The following RASA3 variants were observed in gnomAD, a reference collection of about 807,000 sequenced individuals.
The protein encoded by RASA3 is RAS p21 protein activator 3, also known as ras GTPase-activating protein 3.
A neutral mutation model predicts 110.0 loss-of-function variants in RASA3; 73 were observed. The observed-to-expected ratio is 0.66, with a 90% confidence interval of 0.55 to 0.81. RASA3 has a LOEUF of 0.81. Ranked by LOEUF, RASA3 falls within the 30% of genes least tolerant of loss-of-function variation. The pLI, the probability that RASA3 is intolerant of heterozygous loss-of-function variation, is 0.00. For missense variants in RASA3, 976 were observed against 1,113.2 expected (o/e 0.88, Z 1.75); for synonymous variants, 500 against 451.4 (o/e 1.11, Z -1.37).
intron 4 of RASA3, among the ~76,000 whole-genome samples, chr13:114,031,217 G>A (rs577494721): frequency 1.3e-5 from 2 of 151,612 alleles, no homozygotes; most frequent in African/African-American, 4.8e-5. Context: ...GCGTGCGATT[G>A]TGTGTGCGTG....
rs1432621453 is a variant in RASA3, at chr13:113,979,512, G to A, written c.2430-90C>T. On this transcript the variant is annotated intron_variant, in intron 23 of 23. Coordinates refer to ENST00000334062, the MANE Select transcript of RASA3 (RefSeq NM_007368.4). ...GCGGGAGCTTTTCCTGTTCCTAAAT[G>A]TGACACACTCACACTGCAATCCACA... is the stretch of plus-strand genomic sequence containing the variant. 8 of 1,035,178 alleles carry A rather than the reference G, an allele frequency of 7.7e-6. No individual in the cohort carries two copies. The East Asian group carries it at 1.2e-4, about 15-fold the overall frequency. The allele number at this position is 1,035,178 out of a possible 1,614,324, so 64.1% of individuals were successfully genotyped here. A position where few individuals can be genotyped will look rare whatever the true frequency, so the allele number is the denominator to read the frequency against.
chr13:114,116,715 C>G (rs1401752385), intron 1 of RASA3, among the ~76,000 whole-genome samples: 2 of 152,222 alleles, frequency 1.3e-5, no homozygotes, highest in Non-Finnish European at 2.9e-5. Context: ...TTTGGAGAAT[C>G]CTCTGCATCA....
intron 1 of RASA3, among the ~76,000 whole-genome samples, chr13:114,078,802 C>T (rs1037879900): frequency 6.6e-6 from 1 of 152,216 alleles, no homozygotes; most frequent in African/African-American, 2.4e-5. Flanking sequence ...CAGCCCTGAC[C>T]GAGGGTTAGG....
intron 8 of RASA3, among the ~76,000 whole-genome samples, chr13:114,021,986 C>A (rs1380534759): frequency 2.0e-5 from 3 of 152,144 alleles, no homozygotes; most frequent in African/African-American, 4.8e-5. Context: ...CCACTCTCAG[C>A]TCCAGCACCA....
At chr13:114,045,745 T>C (rs1399170419) in intron 3 of RASA3, among the ~76,000 whole-genome samples, 2 of 152,230 alleles carry the variant, frequency 1.3e-5, no homozygotes, top group Non-Finnish European at 2.9e-5. Context: ...GCAATGACCA[T>C]GAAAATTACA....
At chr13:114,122,017 G>A (rs1269252274) in intron 1 of RASA3, among the ~76,000 whole-genome samples, 1 of 152,202 alleles carries the variant, frequency 6.6e-6, no homozygotes, top group African/African-American at 2.4e-5. Flanking sequence ...AACTAATGAA[G>A]ATTCCAGTCC....
At chr13:114,102,413 G>A (rs1195906123) in intron 1 of RASA3, among the ~76,000 whole-genome samples, 1 of 152,132 alleles carries the variant, frequency 6.6e-6, no homozygotes, top group African/African-American at 2.4e-5. Context: ...GAGAGGGAGA[G>A]GGACAGAGAG....
chr13:114,067,437 C>T (rs2079475070), intron 2 of RASA3, among the ~76,000 whole-genome samples: 1 of 152,196 alleles, frequency 6.6e-6, no homozygotes, highest in South Asian at 2.1e-4. Flanking sequence ...TTTCATGAGT[C>T]GCCTAATGTC....
At chr13:114,071,728 C>CG (rs1483341093) in intron 2 of RASA3, among the ~76,000 whole-genome samples, 1 of 152,168 alleles carries the variant, frequency 6.6e-6, no homozygotes, top group Non-Finnish European at 1.5e-5. Flanking sequence ...TCTCACTCCT[C>CG]GGCCTGGAGG....
chr13:114,039,446 G>T lies in RASA3; in HGVS notation c.372+1554C>A, dbSNP rs183649879. 1.1e-3 allele frequency among the ~76,000 whole-genome samples: 161 copies of T among 152,172 alleles called. 1 individual carries two copies. The highest frequency in any genetic ancestry group is 3.6e-3 in the Admixed American group (55 of 15,306). On this transcript the variant is annotated intron_variant, in intron 4 of 23. Transcript: ENST00000334062. ...AACCCTACACTCAGACGCTCACTGC[G>T]GTCCCAGCTGAGGACCCAGGAAGCC...
Position 114,132,473 on chromosome 13 carries a change from T to G in RASA3, c.17A>C (p.Glu6Ala). 2 of 1,507,428 alleles carry G rather than the reference T, an allele frequency of 1.3e-6. No individual in the cohort carries two copies. Among genetic ancestry groups the G allele is most frequent in the Admixed American group, 4.2e-5 (2 of 47,600 alleles). 93.4% of individuals were successfully genotyped at this position (1,507,428 alleles called of 1,614,324 possible). MAVED[E>A]GLRVFQSVKI... ...CACGCTCTGGAAGACCCGGAGCCCC[T>G]CGTCCTCCACCGCCATGCTGCGCGT... The change falls in exon 1 of 24, where the codon GAG (glutamate) becomes GCG (alanine). Residue 6 changes from glutamate (E) to alanine (A), a missense_variant. Coordinates refer to ENST00000334062, the MANE Select transcript of RASA3 (RefSeq NM_007368.4).
rs550783988 is a variant in RASA3, at chr13:114,116,013, A to C, written c.55+16422T>G. Among the ~76,000 whole-genome samples the C allele has an allele frequency of 4.6e-5, 7 of 152,322 alleles. No individual in the cohort carries two copies. The South Asian group carries it at 6.2e-4, about 14-fold the overall frequency. ...GGGAAGTTGTCATCACCCTGCTGAC[A>C]TGAGTGTGGATGTTGAGGCCTGGAG... is the stretch of plus-strand genomic sequence containing the variant. On this transcript the variant is annotated intron_variant, in intron 1 of 23. Coordinates refer to ENST00000334062, the MANE Select transcript of RASA3 (RefSeq NM_007368.4).
intron 1 of RASA3, among the ~76,000 whole-genome samples, chr13:114,099,222 G>A (rs1161021038): frequency 6.6e-6 from 1 of 151,786 alleles, no homozygotes; most frequent in Non-Finnish European, 1.5e-5. Flanking sequence ...CTTTTCTCAA[G>A]GTCAGAACAG....
intron 15 of RASA3, among the ~76,000 whole-genome samples, chr13:114,012,615 CCA>C (rs1342096499): frequency 1.5e-5 from 2 of 134,846 alleles, no homozygotes; most frequent in South Asian, 2.5e-4. Flanking sequence ...CGCACACTCC[CCA>C]CTCACTCCTC....
chr13:113,999,466 G>C, intron 20 of RASA3, 119 bp downstream of exon 20: 1 of 761,540 alleles, frequency 1.3e-6, no homozygotes, highest in Non-Finnish European at 2.3e-6. Flanking sequence ...CGAAGACTCT[G>C]AGAAGCCTGG....
chr13:114,056,795 G>A lies in RASA3; in HGVS notation c.174-4640C>T, dbSNP rs2079253005. The A allele has an allele frequency of 5.1e-6, 3 of 586,352 alleles. No individual in the cohort carries two copies. Among genetic ancestry groups the A allele is most frequent in the Admixed American group, 6.3e-5 (1 of 15,760 alleles). 36.3% of individuals were successfully genotyped at this position (586,352 alleles called of 1,614,324 possible). A position where few individuals can be genotyped will look rare whatever the true frequency, so the allele number is the denominator to read the frequency against. The stretch of plus-strand genomic sequence containing the variant: ...ATAAAATTATCACCACAGACTGGAC[G>A]TGCCCCTTTCTAAATGTAAAAGCGG... On this transcript the variant is annotated intron_variant, in intron 2 of 23. Coordinates refer to ENST00000334062, the MANE Select transcript of RASA3 (RefSeq NM_007368.4). The surrounding 1 kb of genome is among the most constrained non-coding windows in gnomAD (Gnocchi z 5.7).
chr13:113,999,475 G>C, intron 20 of RASA3, 110 bp downstream of exon 20: 1 of 810,382 alleles, frequency 1.2e-6, no homozygotes, highest in South Asian at 1.4e-5. Context: ...TGAGAAGCCT[G>C]GAGTGCAGTG....
At chr13:113,997,707 G>A (rs1594292040) in intron 20 of RASA3, among the ~76,000 whole-genome samples, 1 of 152,304 alleles carries the variant, frequency 6.6e-6, no homozygotes, top group East Asian at 1.9e-4. Flanking sequence ...TTCTGAGTAG[G>A]AGACTGACTG....
intron 1 of RASA3, among the ~76,000 whole-genome samples, chr13:114,079,698 T>C (rs2079750617): frequency 6.6e-6 from 1 of 152,156 alleles, no homozygotes; most frequent in Non-Finnish European, 1.5e-5. Context: ...CTCTGTGCCA[T>C]GCGTGGGTAG....
Sources: allele counts gnomAD v4.1 joint callset (sites outside exome capture counted in the v4.1 genomes callset), GRCh38; gene constraint gnomAD v4.1.1; non-coding constraint Gnocchi (gnomAD v3.1); transcripts MANE v1.5; gene names NCBI Gene and HGNC (gene_info 2026-07-23, HGNC 2026-07-21).